DYNC2H1: variants seen among roughly 807,000 people sequenced by gnomAD.
DYNC2H1 encodes the protein cytoplasmic dynein 2 heavy chain 1.
DYNC2H1 carries 410 observed loss-of-function variants against 570.0 expected under a neutral mutation model. The ratio of observed to expected loss-of-function variants is 0.72; its 90% CI spans 0.66 to 0.78. DYNC2H1 has a LOEUF of 0.78. Ranked by LOEUF, DYNC2H1 falls within the 30% of genes least tolerant of loss-of-function variation. The pLI, the probability that DYNC2H1 is intolerant of heterozygous loss-of-function variation, is 0.00. For missense variants in DYNC2H1, 4,865 were observed against 5,046.4 expected (o/e 0.96, Z 1.09); for synonymous variants, 1,688 against 1,677.6 (o/e 1.01, Z -0.15).
At chr11:103,399,138 G>T (rs1020109652) in intron 83 of DYNC2H1, among the ~76,000 whole-genome samples, 17 of 113,878 alleles carry the variant, frequency 1.5e-4, no homozygotes, top group African/African-American at 3.0e-4. Flanking sequence ...TTCCCACACC[G>T]TTTTTTTTTT....
chr11:103,430,902 A>T (rs1943863985), intron 84 of DYNC2H1, among the ~76,000 whole-genome samples: 1 of 152,134 alleles, frequency 6.6e-6, no homozygotes, highest in Non-Finnish European at 1.5e-5. Flanking sequence ...TATCGCTATT[A>T]GGGAGCTCAA....
At chr11:103,345,385 G>T (rs909688942) in intron 82 of DYNC2H1, among the ~76,000 whole-genome samples, 10 of 152,142 alleles carry the variant, frequency 6.6e-5, no homozygotes, top group African/African-American at 2.4e-4. Context: ...CTTAGGAATA[G>T]AATTGTTATG....
intron 1 of DYNC2H1, among the ~76,000 whole-genome samples, chr11:103,111,631 AG>A (rs1174822589): frequency 6.6e-6 from 1 of 152,212 alleles, no homozygotes. Flanking sequence ...AAAGATGGAA[AG>A]GGGTTTGGAT....
At chr11:103,460,124 G>A (rs1419848547) in intron 87 of DYNC2H1, among the ~76,000 whole-genome samples, 2 of 152,054 alleles carry the variant, frequency 1.3e-5, no homozygotes, top group African/African-American at 4.8e-5. Context: ...GAGTAGCTGG[G>A]ATTACAGGCA....
chr11:103,361,519 TG>T (rs1940640034), intron 83 of DYNC2H1, among the ~76,000 whole-genome samples: 4 of 152,160 alleles, frequency 2.6e-5, no homozygotes, highest in Admixed American at 2.0e-4. Flanking sequence ...CCAAGTGCAA[TG>T]GGAAACCATG....
chr11:103,378,835 A>G (rs900532761), intron 83 of DYNC2H1, among the ~76,000 whole-genome samples: 5 of 152,128 alleles, frequency 3.3e-5, no homozygotes, highest in Non-Finnish European at 7.4e-5. Flanking sequence ...AATATTACTC[A>G]TTGGTCTTTT....
chr11:103,255,523 T>C lies in DYNC2H1; in HGVS notation c.10315T>C (p.Ser3439Pro). 1.3e-6 allele frequency: 2 copies of C among 1,554,414 alleles called. No individual in the cohort carries two copies. Among genetic ancestry groups the C allele is most frequent in the Non-Finnish European group, 1.7e-6 (2 of 1,148,422 alleles). Residue 3439 changes from serine to proline, a missense_variant, in exon 67 of 89, where the codon TCT (serine) becomes CCT (proline). This residue lies in a region of DYNC2H1 where 2,401 missense variants were observed against 2,454.6 expected (regional missense o/e 0.98). Transcript: ENST00000375735. ...AATACAGCTAGCCAAGCTCGAAGAA[T>C]CTCTTCTAGAGGTAAAAGTCTAGCT... ...KKIQLAKLEE[S>P]LLETLATSQG...
In DYNC2H1 at chr11:103,220,752, A is replaced by G. The variant is rs1863554544; in HGVS notation, c.9076A>G (p.Ile3026Val). Reference protein sequence around the residue: ...ILEGVLRLMGIFDTSWVSMKS... With the variant: ...ILEGVLRLMGVFDTSWVSMKS... ...TGAAGGAGTTTTAAGGTTGATGGGT[A>G]TCTTTGATACATCTTGGGTGAGCAT... Residue 3026 changes from isoleucine (I) to valine (V), a missense_variant, in exon 57 of 89, where the codon ATC (isoleucine) becomes GTC (valine). Ile to Val is a conservative substitution (Grantham distance 29). Transcript: ENST00000375735. 1.2e-6 allele frequency: 2 copies of G among 1,612,776 alleles called. No individual in the cohort carries two copies. Among genetic ancestry groups the G allele is most frequent in the African/African-American group, 1.3e-5 (1 of 74,894 alleles).
chr11:103,170,035 T>C lies in DYNC2H1; in HGVS notation c.4969-73T>C, dbSNP rs1861505539. 2 of 1,318,956 alleles carry C rather than the reference T, an allele frequency of 1.5e-6. No homozygotes were observed. Among genetic ancestry groups the C allele is most frequent in the African/African-American group, 1.5e-5 (1 of 66,222 alleles). The allele number at this position is 1,318,956 out of a possible 1,614,324, so 81.7% of individuals were successfully genotyped here. A position where few individuals can be genotyped will look rare whatever the true frequency, so the allele number is the denominator to read the frequency against. ...TGCATTTTTATCTTTTTAACTACAATCTCATGCTGTAAAAATATTTGTAAA... is the reference window on the plus strand; with the variant it reads ...TGCATTTTTATCTTTTTAACTACAACCTCATGCTGTAAAAATATTTGTAAA... On this transcript the variant is annotated intron_variant, in intron 32 of 88. Coordinates refer to ENST00000375735, the MANE Select transcript of DYNC2H1 (RefSeq NM_001377.3). The surrounding 1 kb of genome is among the most constrained non-coding windows in gnomAD (Gnocchi z 4.8).
intron 50 of DYNC2H1, 43 bp downstream of exon 50, chr11:103,200,197 A>T: frequency 7.4e-7 from 1 of 1,350,260 alleles, no homozygotes; most frequent in Non-Finnish European, 1.0e-6. Context: ...AAATAATGGC[A>T]TAAAAATTAT....
At chr11:103,251,033 G>A (rs979292315) in intron 65 of DYNC2H1, among the ~76,000 whole-genome samples, 1 of 151,918 alleles carries the variant, frequency 6.6e-6, no homozygotes, top group African/African-American at 2.4e-5. Context: ...TTCTGTACAG[G>A]TTAATTAATA....
rs768825066 is a variant in DYNC2H1 at position 103,122,946 on chromosome 11, A to G, written c.1607A>G (p.Asp536Gly). 6.2e-7 allele frequency: 1 copy of G among 1,609,200 alleles called. No homozygotes were observed. The highest frequency in any genetic ancestry group is 1.7e-5 in the Admixed American group (1 of 59,626). ...AAACTATATGAACAGGAACAATTTG[A>G]TGATTGGTCCAGGGATATTCAATCA... ...QLKLYEQEQF[D>G]DWSRDIQSGL... The change falls in exon 11 of 89, where the codon GAT becomes GGT. Residue 536 changes from aspartate to glycine, a missense_variant. Asp to Gly is a moderately conservative substitution (Grantham distance 94). This residue lies in a region of DYNC2H1 where 1,936 missense variants were observed against 1,962.1 expected (regional missense o/e 0.99). Transcript: ENST00000375735.
At chr11:103,428,364 T>C (rs1405676376) in intron 84 of DYNC2H1, among the ~76,000 whole-genome samples, 1 of 152,062 alleles carries the variant, frequency 6.6e-6, no homozygotes, top group African/African-American at 2.4e-5. Context: ...ATAGTCTATA[T>C]TCAATGAGCT....
chr11:103,165,319 G>T (rs1415575847), intron 30 of DYNC2H1, among the ~76,000 whole-genome samples: 1 of 152,054 alleles, frequency 6.6e-6, no homozygotes, highest in Admixed American at 6.6e-5. Context: ...AGTAGAGACG[G>T]GGTTTCTCCA....
intron 84 of DYNC2H1, among the ~76,000 whole-genome samples, chr11:103,423,554 T>A (rs1266743575): frequency 6.6e-6 from 1 of 151,646 alleles, no homozygotes; most frequent in Admixed American, 6.6e-5. Context: ...ATTTCTTAAA[T>A]AGGACACCAA....
intron 22 of DYNC2H1, among the ~76,000 whole-genome samples, chr11:103,154,037 A>T (rs1367689410): frequency 6.6e-6 from 1 of 151,890 alleles, no homozygotes; most frequent in Non-Finnish European, 1.5e-5. Context: ...TACTGATTAG[A>T]TTAAGGATAT....
chr11:103,329,243 G>T (rs1447750237), intron 82 of DYNC2H1, among the ~76,000 whole-genome samples: 1 of 151,708 alleles, frequency 6.6e-6, no homozygotes, highest in Non-Finnish European at 1.5e-5. Flanking sequence ...TAGCAAGAGT[G>T]ATCTGCATTC....
intron 40 of DYNC2H1, 38 bp from the exon 41 acceptor site, chr11:103,184,858 G>A (rs780837236): frequency 1.2e-6 from 2 of 1,606,554 alleles, no homozygotes; most frequent in Non-Finnish European, 1.7e-6. Flanking sequence ...GTTAATAGTT[G>A]CCTTTTGTCT....
At chr11:103,340,307 T>C (rs761311832) in intron 82 of DYNC2H1, among the ~76,000 whole-genome samples, 1 of 152,154 alleles carries the variant, frequency 6.6e-6, no homozygotes, top group African/African-American at 2.4e-5. Flanking sequence ...CTTTGCATTC[T>C]ACAGATAGGG....
Sources: gnomAD v4.1 joint callset for allele counts (sites outside exome capture counted in the v4.1 genomes callset) on GRCh38, gnomAD v4.1.1 for gene constraint, gnomAD v4.1.1 regional missense constraint, Gnocchi (gnomAD v3.1) non-coding constraint, MANE v1.5 for transcripts, NCBI Gene and HGNC (gene_info 2026-07-23, HGNC 2026-07-21) for gene names.